The following B4GALT5 variants were observed in gnomAD, a reference collection of about 807,000 sequenced individuals.
The protein encoded by B4GALT5 is UDP-Gal:beta-GlcNAc beta-1,4-galactosyltransferase 5.
B4GALT5 carries 11 observed loss-of-function variants against 45.0 expected under a neutral mutation model. The ratio of observed to expected loss-of-function variants is 0.24; its 90% CI spans 0.15 to 0.40. The LOEUF is 0.40. Ranked by LOEUF, B4GALT5 falls within the 10% of genes least tolerant of loss-of-function variation. The pLI, the probability that B4GALT5 is intolerant of heterozygous loss-of-function variation, is 1.00. For missense variants in B4GALT5, 337 were observed against 500.2 expected (o/e 0.67, Z 3.11); for synonymous variants, 185 against 182.9 (o/e 1.01, Z -0.09).
chr20:49,636,257 T>C lies in B4GALT5; in HGVS notation c.*55A>G, dbSNP rs45497605. ...ACCCTCCCCCCTCCAAAAAAAAATC[T>C]CATCGGACTGCTTTCTTGGTGGCGG... On this transcript the variant is annotated 3_prime_UTR_variant, in exon 9 of 9. Coordinates refer to ENST00000371711, the MANE Select transcript of B4GALT5 (RefSeq NM_004776.4). 688 of 1,596,098 alleles carry C rather than the reference T, an allele frequency of 4.3e-4. No homozygotes were observed. The highest frequency in any genetic ancestry group is 5.6e-4 in the Non-Finnish European group (654 of 1,169,898).
At chr20:49,653,399 C>T (rs890629515) in intron 2 of B4GALT5, among the ~76,000 whole-genome samples, 4 of 152,324 alleles carry the variant, frequency 2.6e-5, no homozygotes, top group African/African-American at 2.4e-5. Flanking sequence ...ACACTTAAGA[C>T]GTGCTTTCTT....
chr20:49,689,639 C>T (rs1343236514), intron 1 of B4GALT5, among the ~76,000 whole-genome samples: 1 of 152,068 alleles, frequency 6.6e-6, no homozygotes. Flanking sequence ...AAGTAAACTG[C>T]GGAGATCAGT....
chr20:49,667,005 T>A (rs750155800), intron 1 of B4GALT5, among the ~76,000 whole-genome samples: 1 of 152,122 alleles, frequency 6.6e-6, no homozygotes, highest in Non-Finnish European at 1.5e-5. Flanking sequence ...ATCCTCACAA[T>A]AACTGAGAGG....
intron 1 of B4GALT5, among the ~76,000 whole-genome samples, chr20:49,706,760 G>A (rs893273093): frequency 7.9e-5 from 12 of 152,120 alleles, no homozygotes; most frequent in Non-Finnish European, 1.6e-4. Flanking sequence ...CTTAGCCAGT[G>A]GTAACCTCCC....
At chr20:49,652,773 T>C (rs1180276244) in intron 2 of B4GALT5, among the ~76,000 whole-genome samples, 1 of 152,184 alleles carries the variant, frequency 6.6e-6, no homozygotes, top group African/African-American at 2.4e-5. Context: ...CAGCATGACT[T>C]AAATGTCACC....
chr20:49,702,627 G>A (rs62207733), intron 1 of B4GALT5, among the ~76,000 whole-genome samples: 16,117 of 152,022 alleles, frequency 0.11, 948 homozygotes, highest in Admixed American at 0.14. Flanking sequence ...GGCGGGGGTG[G>A]GAGGATGGCT....
At chr20:49,661,491 TC>T (rs2085664684) in intron 1 of B4GALT5, among the ~76,000 whole-genome samples, 1 of 152,200 alleles carries the variant, frequency 6.6e-6, no homozygotes, top group African/African-American at 2.4e-5. Context: ...TGCCTTGGCC[TC>T]CCAAAGTGTT....
Position 49,713,650 on chromosome 20 carries a change from G to T in B4GALT5, c.41C>A (p.Ser14Ter). 6.4e-7 allele frequency: 1 copy of T among 1,569,756 alleles called. No homozygotes were observed. The highest frequency in any genetic ancestry group is 8.6e-7 in the Non-Finnish European group (1 of 1,160,760). Residue 14 changes from serine to a stop codon, truncating the protein, a stop_gained, in exon 1 of 9, where the codon TCG (serine) becomes TAG (stop). Transcript: ENST00000371711. LOFTEE classifies it high-confidence loss of function. ...RRGLLRLPRR[S>*]LLAALFFFSL... The stretch of plus-strand genomic sequence containing the variant: ...AAAGAAGAAGAGCGCGGCGAGCAGC[G>T]AGCGGCGCGGCAGCCGCAGCAGCCC...
At position 49,643,439 on chromosome 20, in the gene B4GALT5, C is replaced by T. The variant is rs115733037; in HGVS notation, c.489+87G>A. 3.8e-4 allele frequency: 579 copies of T among 1,513,996 alleles called. 1 individual carries two copies. The African/African-American group carries it at 7.4e-3, about 19-fold the overall frequency. 93.8% of individuals were successfully genotyped at this position (1,513,996 alleles called of 1,614,324 possible). On this transcript the variant is annotated intron_variant, in intron 4 of 8. Coordinates refer to ENST00000371711, the MANE Select transcript of B4GALT5 (RefSeq NM_004776.4). ...TGGTAGGATGAAAATGACAAAATGT[C>T]ATGGTTAGCTAATCCCATGGTGATT...
At chr20:49,681,216 TAAAAAAAAAAA>T (rs10628956) in intron 1 of B4GALT5, among the ~76,000 whole-genome samples, 5 of 72,462 alleles carry the variant, frequency 6.9e-5, no homozygotes, top group African/African-American at 3.2e-4. Context: ...ACCCCATCTC[TAAAAAAAAAAA>T]AAAAAAAAAA....
intron 6 of B4GALT5, among the ~76,000 whole-genome samples, chr20:49,640,129 C>A (rs952745799): frequency 2.0e-5 from 3 of 152,170 alleles, no homozygotes; most frequent in Non-Finnish European, 2.9e-5. Flanking sequence ...TTAGCAATCA[C>A]CCCCTGCTCC....
intron 1 of B4GALT5, among the ~76,000 whole-genome samples, chr20:49,700,603 A>C (rs1015993967): frequency 2.0e-5 from 3 of 152,224 alleles, no homozygotes; most frequent in African/African-American, 7.2e-5. Context: ...CCTGGCCATA[A>C]GATTAAAATT....
chr20:49,659,622 A>C (rs2085657289), intron 1 of B4GALT5, among the ~76,000 whole-genome samples: 1 of 152,230 alleles, frequency 6.6e-6, no homozygotes. Context: ...AAAAGGAAAT[A>C]ATCACAAATC....
At chr20:49,677,439 A>T (rs1234812356) in intron 1 of B4GALT5, among the ~76,000 whole-genome samples, 2 of 152,198 alleles carry the variant, frequency 1.3e-5, no homozygotes, top group African/African-American at 4.8e-5. Context: ...GGCACTGGCT[A>T]AGGCTTACTA....
chr20:49,680,243 A>G (rs2085758624), intron 1 of B4GALT5, among the ~76,000 whole-genome samples: 1 of 152,230 alleles, frequency 6.6e-6, no homozygotes, highest in Non-Finnish European at 1.5e-5. Flanking sequence ...AAGCTCTTGG[A>G]GTGTTCTGGA....
intron 2 of B4GALT5, among the ~76,000 whole-genome samples, chr20:49,649,780 T>A (rs565663591): frequency 5.5e-4 from 84 of 152,290 alleles, no homozygotes; most frequent in African/African-American, 1.9e-3. Flanking sequence ...GATGAAATTA[T>A]TCTCCTTTAG....
At chr20:49,673,099 T>C (rs1012070872) in intron 1 of B4GALT5, among the ~76,000 whole-genome samples, 3 of 151,988 alleles carry the variant, frequency 2.0e-5, no homozygotes, top group Non-Finnish European at 2.9e-5. Context: ...TACAGTGGAT[T>C]GGCCAGGCGC....
intron 1 of B4GALT5, among the ~76,000 whole-genome samples, chr20:49,658,205 C>T (rs1277081833): frequency 6.6e-6 from 1 of 152,118 alleles, no homozygotes; most frequent in Non-Finnish European, 1.5e-5. Context: ...GGAAAAAAGA[C>T]AGCTTCCAAT....
intron 1 of B4GALT5, among the ~76,000 whole-genome samples, 159 bp downstream of exon 1, chr20:49,713,417 T>C (rs1400123695): frequency 6.7e-6 from 1 of 150,110 alleles, no homozygotes; most frequent in Admixed American, 6.6e-5. Context: ...AGGGCAGGAA[T>C]GTCCTGGCGT....
Sources: allele counts gnomAD v4.1 joint callset (sites outside exome capture counted in the v4.1 genomes callset), GRCh38; gene constraint gnomAD v4.1.1; transcripts MANE v1.5; gene names NCBI Gene and HGNC (gene_info 2026-07-23, HGNC 2026-07-21).